PHF14: variants seen among roughly 807,000 people sequenced by gnomAD.
PHF14 encodes PHD finger protein 14.
Under a neutral mutation model 117.9 loss-of-function variants are expected in PHF14, and 55 were observed. The observed-to-expected ratio is 0.47, with a 90% CI of 0.38 to 0.58. The LOEUF is 0.58. Among genes scored for constraint, PHF14 ranks in the 20% least tolerant of loss-of-function variants. PHF14 has a pLI of 0.00. For missense variants in PHF14, 978 were observed against 1,122.2 expected, an observed-to-expected ratio of 0.87 and a Z score of 1.84; for synonymous variants, 409 against 368.6, an observed-to-expected ratio of 1.11 and a Z score of -1.26.
chr7:11,145,117 C>G (rs1347469393), intron 17 of PHF14, among the ~76,000 whole-genome samples: 1 of 151,496 alleles, frequency 6.6e-6, no homozygotes, highest in South Asian at 2.1e-4. Flanking sequence ...CTATTTTATA[C>G]CACAATTATA....
chr7:11,120,578 A>C (rs1411912335), intron 17 of PHF14, among the ~76,000 whole-genome samples: 2 of 152,036 alleles, frequency 1.3e-5, no homozygotes, highest in Non-Finnish European at 2.9e-5. Context: ...AATGAAAGCT[A>C]TCTTTATAAT....
At chr7:11,088,088 G>C (rs1414607931) in intron 16 of PHF14, among the ~76,000 whole-genome samples, 75 of 151,962 alleles carry the variant, frequency 4.9e-4, no homozygotes, top group Non-Finnish European at 7.4e-5. Flanking sequence ...GACCGCTCTC[G>C]GATATCAAAA....
intron 16 of PHF14, among the ~76,000 whole-genome samples, chr7:11,081,537 A>AT (rs761411463): frequency 6.6e-6 from 1 of 152,190 alleles, no homozygotes; most frequent in Non-Finnish European, 1.5e-5. Flanking sequence ...GTGGGAAAAC[A>AT]TTTAAGTTTA....
intron 17 of PHF14, among the ~76,000 whole-genome samples, chr7:11,133,760 A>G (rs1476108401): frequency 1.3e-5 from 2 of 151,994 alleles, no homozygotes; most frequent in African/African-American, 2.4e-5. Context: ...CCACAAACAC[A>G]TCTTTATATT....
intron 16 of PHF14, chr7:11,106,077 T>C: frequency 6.1e-6 from 6 of 983,316 alleles, no homozygotes; most frequent in Non-Finnish European, 7.2e-6. Flanking sequence ...TCTCTCATGC[T>C]GTGAAGAGTT....
intron 2 of PHF14, among the ~76,000 whole-genome samples, chr7:10,978,515 G>A (rs946305037): frequency 6.6e-6 from 1 of 152,008 alleles, no homozygotes; most frequent in African/African-American, 2.4e-5. Flanking sequence ...TTTATATTTG[G>A]GGATCAGTGT....
chr7:11,150,306 A>G (rs1788669017), intron 17 of PHF14, among the ~76,000 whole-genome samples: 1 of 152,174 alleles, frequency 6.6e-6, no homozygotes, highest in Admixed American at 6.5e-5. Flanking sequence ...ATTTTATAAC[A>G]AAATAATTTG....
chr7:11,161,798 T>C (rs1262267591), intron 17 of PHF14, among the ~76,000 whole-genome samples: 1 of 134,512 alleles, frequency 7.4e-6, no homozygotes, highest in Non-Finnish European at 1.6e-5. Flanking sequence ...TGCCTAAATA[T>C]TTCAAAAGCG....
chr7:10,990,335 A>G (rs1462030100), intron 3 of PHF14, among the ~76,000 whole-genome samples: 2 of 152,232 alleles, frequency 1.3e-5, no homozygotes, highest in South Asian at 4.1e-4. Flanking sequence ...TATAGGATCA[A>G]TGATTACTTT....
intron 16 of PHF14, chr7:11,102,818 T>C: frequency 7.8e-7 from 1 of 1,279,258 alleles, no homozygotes; most frequent in Non-Finnish European, 9.9e-7. Flanking sequence ...TGAAAAATAC[T>C]GGATACATGT....
At chr7:11,041,625 C>T (rs1350017070) in intron 12 of PHF14, among the ~76,000 whole-genome samples, 1 of 151,886 alleles carries the variant, frequency 6.6e-6, no homozygotes, top group African/African-American at 2.4e-5. Flanking sequence ...TAGCAAATAA[C>T]TTCCTTGAAG....
At chr7:11,152,753 G>C (rs1788737030) in intron 17 of PHF14, among the ~76,000 whole-genome samples, 1 of 152,164 alleles carries the variant, frequency 6.6e-6, no homozygotes, top group Admixed American at 6.5e-5. Context: ...TGTAATAAAT[G>C]TTATGGAAAA....
At chr7:11,106,591 A>G in intron 16 of PHF14, 1 of 984,240 alleles carries the variant, frequency 1.0e-6, no homozygotes. Context: ...CACAATTTGT[A>G]TTTTCTCCAT....
chr7:10,994,715 C>T (rs10267151), intron 4 of PHF14, among the ~76,000 whole-genome samples: 5,017 of 152,148 alleles, frequency 0.033, 187 homozygotes, highest in African/African-American at 0.088. Flanking sequence ...GAGTTTGCTC[C>T]TTCTGATGTT....
chr7:11,028,595 A>C, intron 6 of PHF14, 86 bp from the exon 7 acceptor site: 1 of 1,196,716 alleles, frequency 8.4e-7, no homozygotes, highest in Non-Finnish European at 1.2e-6. Flanking sequence ...AGCATTTTAA[A>C]TATTTAGTGG....
chr7:11,118,009 C>A lies in PHF14; in HGVS notation c.2772+6542C>A, dbSNP rs1192315381. Among the ~76,000 whole-genome samples, 8 of 151,902 alleles carry A rather than the reference C, an allele frequency of 5.3e-5. No homozygotes were observed. In the East Asian group the frequency reaches 1.4e-3, roughly 26 times the overall value. ...TTTAGGTAAGATGTATACCACTCAG[C>A]TGTCTAAATTCAGTACTCTTCTAGC... On this transcript the variant is annotated intron_variant, in intron 17 of 17. Transcript: ENST00000634607.
intron 2 of PHF14, among the ~76,000 whole-genome samples, chr7:10,975,299 C>T (rs1489631111): frequency 6.6e-6 from 1 of 152,138 alleles, no homozygotes; most frequent in Non-Finnish European, 1.5e-5. Context: ...CATTAATAGT[C>T]CCTGAGCAGG....
At chr7:11,036,726 GAAC>G in intron 9 of PHF14, 38 bp downstream of exon 9, 1 of 1,560,240 alleles carries the variant, frequency 6.4e-7, no homozygotes, top group Non-Finnish European at 8.8e-7. Context: ...TTTTCACTGA[GAAC>G]AATTTGTTAA....
intron 14 of PHF14, among the ~76,000 whole-genome samples, chr7:11,057,787 C>T (rs568905058): frequency 1.3e-5 from 2 of 152,192 alleles, no homozygotes; most frequent in South Asian, 2.1e-4. Context: ...TTAATCACCT[C>T]TTTTCAAGTA....
Sources: gnomAD v4.1 joint callset for allele counts (sites outside exome capture counted in the v4.1 genomes callset) on GRCh38, gnomAD v4.1.1 for gene constraint, MANE v1.5 for transcripts, NCBI Gene and HGNC (gene_info 2026-07-23, HGNC 2026-07-21) for gene names.